The following ST18 variants were observed in gnomAD, a reference collection of about 807,000 sequenced individuals.
The protein encoded by ST18 is suppression of tumorigenicity 18 protein.
Under a neutral mutation model 110.0 loss-of-function variants are expected in ST18, and 50 were observed. That is an observed-to-expected ratio of 0.45 (90% CI 0.36 to 0.58). ST18 has a LOEUF of 0.58. Among genes scored for constraint, ST18 ranks in the 20% least tolerant of loss-of-function variants. The pLI, the probability that ST18 is intolerant of heterozygous loss-of-function variation, is 0.00. For missense variants in ST18, 1,306 were observed against 1,280.1 expected (o/e 1.02, Z -0.31); for synonymous variants, 461 against 452.4 (o/e 1.02, Z -0.24).
chr8:52,275,697 C>T (rs987274457), intron 2 of ST18, among the ~76,000 whole-genome samples: 1 of 152,114 alleles, frequency 6.6e-6, no homozygotes, highest in African/African-American at 2.4e-5. Flanking sequence ...GAAGGCATCA[C>T]ATACCATTTT....
Position 52,112,287 on chromosome 8 carries a change from T to C in ST18, c.*911A>G, listed in dbSNP as rs1325749921. On this transcript the variant is annotated 3_prime_UTR_variant, in exon 26 of 26. Transcript: ENST00000689386. ...CACCAATATTGTCACTTGTATATTG[T>C]ACCAACATATGGCAGGAAAGCCTGG... is the stretch of plus-strand genomic sequence containing the variant. The C allele has an allele frequency of 6.6e-6, 1 of 152,650 alleles. No individual in the cohort carries two copies. The highest frequency in any genetic ancestry group is 1.5e-5 in the Non-Finnish European group (1 of 68,042). The allele number at this position is 152,650 out of a possible 1,614,324, so 9.5% of individuals were successfully genotyped here. A position where few individuals can be genotyped will look rare whatever the true frequency, so the allele number is the denominator to read the frequency against.
intron 10 of ST18, among the ~76,000 whole-genome samples, chr8:52,170,414 T>C (rs1396937870): frequency 2.0e-5 from 3 of 151,182 alleles, no homozygotes; most frequent in Admixed American, 1.3e-4. Context: ...ACGGCGCCAC[T>C]GCACTCCAGC....
chr8:52,209,788 A>T (rs7008463), intron 8 of ST18, among the ~76,000 whole-genome samples: 7,597 of 105,160 alleles, frequency 0.072, 671 homozygotes, highest in African/African-American at 0.23. Flanking sequence ...AAAAAAAAAA[A>T]ATATATATAT....
chr8:52,358,109 G>A (rs1440159628), intron 2 of ST18, among the ~76,000 whole-genome samples: 1 of 151,682 alleles, frequency 6.6e-6, no homozygotes, highest in African/African-American at 2.4e-5. Context: ...CCAATCAGTG[G>A]GCCAAAGAAG....
chr8:52,321,006 A>G (rs1803658267), intron 2 of ST18, among the ~76,000 whole-genome samples: 1 of 152,250 alleles, frequency 6.6e-6, no homozygotes, highest in South Asian at 2.1e-4. Context: ...TCATGTTTTA[A>G]AATGTTTACA....
intron 10 of ST18, chr8:52,171,465 C>A: frequency 2.5e-6 from 1 of 403,550 alleles, no homozygotes. Context: ...ATTTAAGATC[C>A]AGTAAATACT....
At chr8:52,148,558 C>T (rs1180876607) in intron 16 of ST18, among the ~76,000 whole-genome samples, 2 of 152,176 alleles carry the variant, frequency 1.3e-5, no homozygotes, top group Admixed American at 6.5e-5. Flanking sequence ...GACTGTGGCA[C>T]ACAAGCATGG....
intron 2 of ST18, among the ~76,000 whole-genome samples, chr8:52,278,888 T>C (rs1395481277): frequency 6.6e-6 from 1 of 152,194 alleles, no homozygotes; most frequent in Non-Finnish European, 1.5e-5. Flanking sequence ...TTTCAAGTGG[T>C]CTGGGTTGCC....
intron 2 of ST18, among the ~76,000 whole-genome samples, chr8:52,389,414 T>C (rs1409275790): frequency 2.0e-5 from 3 of 152,044 alleles, no homozygotes; most frequent in Non-Finnish European, 4.4e-5. Flanking sequence ...TGTGATGATA[T>C]TAAAAGAGGA....
At chr8:52,147,811 G>C (rs2057741022) in intron 16 of ST18, among the ~76,000 whole-genome samples, 1 of 152,204 alleles carries the variant, frequency 6.6e-6, no homozygotes, top group African/African-American at 2.4e-5. Flanking sequence ...GATCTGAGCA[G>C]CAGTGGCCTG....
intron 2 of ST18, among the ~76,000 whole-genome samples, chr8:52,291,531 A>G (rs2095556002): frequency 6.6e-6 from 1 of 152,222 alleles, no homozygotes; most frequent in Non-Finnish European, 1.5e-5. Flanking sequence ...TTAAGGTTGC[A>G]CTTGATGAGT....
At chr8:52,322,959 C>G (rs1490581928) in intron 2 of ST18, among the ~76,000 whole-genome samples, 2 of 152,204 alleles carry the variant, frequency 1.3e-5, no homozygotes, top group African/African-American at 2.4e-5. Flanking sequence ...CCTCCTCCAT[C>G]TAGTGATAGC....
rs368972171 is a variant in ST18 at position 52,166,929 on chromosome 8, G to A, written c.1127C>T (p.Thr376Met). Reference protein sequence around the residue: ...TKCPIPGCDGTGHVTGLYPHH... With the variant: ...TKCPIPGCDGMGHVTGLYPHH... ...CGGGTAGAGCCCTGTCACGTGTCCCGTGCCATCACATCCAGGGATCGGGCA... is the reference window on the plus strand; with the variant it reads ...CGGGTAGAGCCCTGTCACGTGTCCCATGCCATCACATCCAGGGATCGGGCA... The change falls in exon 11 of 26, where the codon ACG (threonine) becomes ATG (methionine). Residue 376 changes from threonine (T) to methionine (M), a missense_variant. By Grantham distance (81) the Thr-to-Met change is moderately conservative. Transcript: ENST00000689386. The A allele has an allele frequency of 1.9e-5, 30 of 1,612,474 alleles. 1 individual carries two copies. The East Asian group carries it at 3.6e-4, about 19-fold the overall frequency.
At position 52,133,104 on chromosome 8, in the gene ST18, A is replaced by G; in HGVS notation, c.2397T>C (p.Gly799=). 1.9e-6 allele frequency: 3 copies of G among 1,614,122 alleles called. No individual in the cohort carries two copies. The highest frequency in any genetic ancestry group is 1.1e-5 in the South Asian group (1 of 91,066). ...LSGCPRARKG[G]VKMTPTKEEK... The stretch of plus-strand genomic sequence containing the variant: ...CTTCCTTGGTAGGGGTCATTTTGAC[A>G]CCACCTTTCCTTGCACGAGGGCATC... The change falls in exon 21 of 26, where the codon GGT becomes GGC. Residue 799 remains glycine (G), a synonymous_variant. Transcript: ENST00000689386.
Position 52,142,996 on chromosome 8 carries a change from C to A in ST18, c.2102G>T (p.Gly701Val). ...LENLEEKKFP[G>V]EASIPSPKPK... ...TTTAGGGCTTGGTATAGAGGCCTCT[C>A]CAGGAAACTTTTTTTCCTCTAAATT... is the stretch of plus-strand genomic sequence containing the variant. The change falls in exon 17 of 26, where the codon GGA becomes GTA. Residue 701 changes from glycine (G) to valine (V), a missense_variant. Gly to Val is a moderately radical substitution (Grantham distance 109). Transcript: ENST00000689386. 6.2e-7 allele frequency: 1 copy of A among 1,614,038 alleles called. No individual in the cohort carries two copies. Among genetic ancestry groups the A allele is most frequent in the Non-Finnish European group, 8.5e-7 (1 of 1,179,976 alleles).
chr8:52,365,071 G>A (rs568988091), intron 2 of ST18, among the ~76,000 whole-genome samples: 140 of 151,470 alleles, frequency 9.2e-4, no homozygotes, highest in African/African-American at 3.2e-3. Flanking sequence ...CTGAGATTGC[G>A]CCACTGCACT....
intron 9 of ST18, among the ~76,000 whole-genome samples, chr8:52,174,466 A>T (rs1312897993): frequency 6.6e-6 from 1 of 152,250 alleles, no homozygotes; most frequent in Non-Finnish European, 1.5e-5. Context: ...TATAGACATT[A>T]TACCTAATTA....
At chr8:52,128,503 T>C (rs1433499527) in intron 22 of ST18, among the ~76,000 whole-genome samples, 1 of 152,196 alleles carries the variant, frequency 6.6e-6, no homozygotes, top group Non-Finnish European at 1.5e-5. Context: ...AGATTGCTAT[T>C]TTTTTCAAAG....
rs1308801007 is a variant in ST18, at chr8:52,261,280, C to T, written c.-464-31203G>A. On this transcript the variant is annotated intron_variant, in intron 2 of 25. Coordinates refer to ENST00000689386, the MANE Select transcript of ST18 (RefSeq NM_001352837.2). ...CATCATGACCAGGGGCTATTTTGGC[C>T]CTAATCCCAGGAAATGAGGCAAAGA... Among the ~76,000 whole-genome samples, 7 of 152,210 alleles carry T rather than the reference C, an allele frequency of 4.6e-5. No individual in the cohort carries two copies. In the East Asian group the frequency reaches 7.7e-4, roughly 17 times the overall value.
Sources: gnomAD v4.1 joint callset for allele counts (sites outside exome capture counted in the v4.1 genomes callset) on GRCh38, gnomAD v4.1.1 for gene constraint, MANE v1.5 for transcripts, NCBI Gene and HGNC (gene_info 2026-07-23, HGNC 2026-07-21) for gene names.